The following CHRM2 variants were observed in gnomAD, a reference collection of about 807,000 sequenced individuals.
The protein encoded by CHRM2 is cholinergic receptor muscarinic 2.
Under a neutral mutation model 25.0 loss-of-function variants are expected in CHRM2, and 8 were observed. The ratio of observed to expected loss-of-function variants is 0.32; its 90% CI spans 0.19 to 0.58. CHRM2 has a LOEUF of 0.58. CHRM2 is among the 20% of genes least tolerant of loss of function. The pLI is 0.88. For missense variants in CHRM2, 440 were observed against 567.1 expected (o/e 0.78, Z 2.28); for synonymous variants, 202 against 205.7 (o/e 0.98, Z 0.15).
At chr7:136,980,283 CA>C (rs1341302976) in intron 2 of CHRM2, among the ~76,000 whole-genome samples, 12 of 152,092 alleles carry the variant, frequency 7.9e-5, no homozygotes. Flanking sequence ...GTGATTTTTG[CA>C]CATTGATTTT....
Position 137,006,072 on chromosome 7 carries a change from T to C in CHRM2, c.-46-8748T>C, listed in dbSNP as rs992351871. 1.3e-5 allele frequency among the ~76,000 whole-genome samples: 2 copies of C among 152,116 alleles called. 1 individual carries two copies. The highest frequency in any genetic ancestry group is 4.1e-4 in the South Asian group (2 of 4,834). The stretch of plus-strand genomic sequence containing the variant: ...TCTCCACTTTTGCTGCTGTTTGCTT[T>C]AGAGCACATTGTTTAGTCAGCACCA... On this transcript the variant is annotated intron_variant, in intron 3 of 3. Transcript: ENST00000680005.
At chr7:136,917,067 C>G (rs1418027042) in intron 2 of CHRM2, among the ~76,000 whole-genome samples, 1 of 151,796 alleles carries the variant, frequency 6.6e-6, no homozygotes, top group Non-Finnish European at 1.5e-5. Context: ...TTCACCAACT[C>G]CTTTTTGCAA....
Position 136,914,851 on chromosome 7 carries a change from G to A in CHRM2, c.-125+45433G>A, listed in dbSNP as rs541585828. 2.0e-5 allele frequency among the ~76,000 whole-genome samples: 3 copies of A among 152,034 alleles called. No individual in the cohort carries two copies. In the South Asian group the frequency reaches 6.2e-4, roughly 31 times the overall value. ...ACATACAAATGTTTGTTATTATAAT[G>A]AAGTAGACTCTGCTGAGTGAATGGC... On this transcript the variant is annotated intron_variant, in intron 2 of 3. Coordinates refer to ENST00000680005, the MANE Select transcript of CHRM2 (RefSeq NM_001006630.2).
intron 2 of CHRM2, among the ~76,000 whole-genome samples, chr7:136,885,139 G>T (rs1048981749): frequency 1.3e-5 from 2 of 152,156 alleles, no homozygotes; most frequent in Non-Finnish European, 2.9e-5. Context: ...TCTTCATAGA[G>T]ACCCAAAGGA....
At chr7:136,995,303 T>A (rs1349195587) in intron 3 of CHRM2, among the ~76,000 whole-genome samples, 4 of 152,062 alleles carry the variant, frequency 2.6e-5, no homozygotes, top group African/African-American at 7.2e-5. Flanking sequence ...CAAATATACA[T>A]ACACAAACAC....
intron 2 of CHRM2, among the ~76,000 whole-genome samples, chr7:136,935,448 C>T (rs575571441): frequency 5.3e-5 from 8 of 151,854 alleles, no homozygotes; most frequent in Admixed American, 3.3e-4. Flanking sequence ...ATGGTAGGTA[C>T]GACTAGACAA....
At position 137,017,514 on chromosome 7, in the gene CHRM2, C is replaced by T. The variant is rs142177715; in HGVS notation, c.*1248C>T. On this transcript the variant is annotated 3_prime_UTR_variant, in exon 4 of 4. Coordinates refer to ENST00000680005, the MANE Select transcript of CHRM2 (RefSeq NM_001006630.2). ...CTAAAGGATGATATTCAAATTATAA[C>T]CAAGTGAGGATGTCTGCAATTATCC... 31 of 152,020 alleles carry T rather than the reference C, an allele frequency of 2.0e-4. No homozygotes were observed. The highest frequency in any genetic ancestry group is 7.2e-4 in the African/African-American group (30 of 41,502). The allele number at this position is 152,020 out of a possible 1,614,324, so 9.4% of individuals were successfully genotyped here.
chr7:136,988,949 T>A (rs1303601752), intron 2 of CHRM2, among the ~76,000 whole-genome samples: 1 of 152,034 alleles, frequency 6.6e-6, no homozygotes. Flanking sequence ...ATATTCGAAT[T>A]TAAGAAAATA....
chr7:136,935,438 A>G (rs1449162958), intron 2 of CHRM2, among the ~76,000 whole-genome samples: 1 of 152,188 alleles, frequency 6.6e-6, no homozygotes, highest in Admixed American at 6.5e-5. Flanking sequence ...TTTCATTAAA[A>G]TGGTAGGTAC....
chr7:136,972,518 C>A (rs1263901363), intron 2 of CHRM2, among the ~76,000 whole-genome samples: 1 of 152,046 alleles, frequency 6.6e-6, no homozygotes, highest in Non-Finnish European at 1.5e-5. Flanking sequence ...TGATTCCATT[C>A]CCTCTAGCGT....
intron 2 of CHRM2, among the ~76,000 whole-genome samples, chr7:136,900,946 C>G (rs942577789): frequency 6.6e-6 from 1 of 151,930 alleles, no homozygotes; most frequent in African/African-American, 2.4e-5. Flanking sequence ...CTATTCATAA[C>G]AGAATTTTGA....
At chr7:136,976,592 G>A (rs1448491671) in intron 2 of CHRM2, among the ~76,000 whole-genome samples, 1 of 152,114 alleles carries the variant, frequency 6.6e-6, no homozygotes, top group Admixed American at 6.6e-5. Context: ...CATTGAGTTT[G>A]TTATTTGTAG....
At chr7:136,967,182 T>G (rs888219819) in intron 2 of CHRM2, among the ~76,000 whole-genome samples, 2 of 152,008 alleles carry the variant, frequency 1.3e-5, no homozygotes, top group African/African-American at 4.8e-5. Context: ...TGGATAGCAC[T>G]GTGGAAGGCA....
intron 2 of CHRM2, among the ~76,000 whole-genome samples, chr7:136,979,181 T>A (rs1802311351): frequency 6.6e-6 from 1 of 152,220 alleles, no homozygotes; most frequent in Admixed American, 6.5e-5. Flanking sequence ...TGGTTTTGAT[T>A]TGCATTTCTC....
At chr7:136,985,219 C>T (rs181431223) in intron 2 of CHRM2, among the ~76,000 whole-genome samples, 32 of 152,158 alleles carry the variant, frequency 2.1e-4, no homozygotes, top group Admixed American at 1.0e-3. Context: ...AAAGATTACT[C>T]GAGTTAATTT....
intron 2 of CHRM2, among the ~76,000 whole-genome samples, chr7:136,941,496 G>C (rs1799768536): frequency 6.6e-6 from 1 of 152,224 alleles, no homozygotes; most frequent in Non-Finnish European, 1.5e-5. Context: ...AATAATTGAA[G>C]TGAAGCAAAG....
At chr7:137,007,067 C>G (rs1804488594) in intron 3 of CHRM2, among the ~76,000 whole-genome samples, 1 of 151,960 alleles carries the variant, frequency 6.6e-6, no homozygotes, top group African/African-American at 2.4e-5. Context: ...CCAAAAATGT[C>G]AGATACAAGC....
chr7:136,920,616 T>C (rs916321897), intron 2 of CHRM2, among the ~76,000 whole-genome samples: 5 of 152,162 alleles, frequency 3.3e-5, no homozygotes, highest in African/African-American at 9.7e-5. Context: ...ACTTCTTTTG[T>C]TCTCTACACC....
intron 2 of CHRM2, among the ~76,000 whole-genome samples, chr7:136,924,432 A>G (rs1043976103): frequency 1.4e-5 from 2 of 144,564 alleles, no homozygotes; most frequent in African/African-American, 2.6e-5. Context: ...TCATTGTTCA[A>G]TTCCCACCTA....
Sources: allele counts gnomAD v4.1 joint callset (sites outside exome capture counted in the v4.1 genomes callset), GRCh38; gene constraint gnomAD v4.1.1; transcripts MANE v1.5; gene names NCBI Gene and HGNC (gene_info 2026-07-23, HGNC 2026-07-21).